The following CSMD1 variants were observed in gnomAD, a reference collection of about 807,000 sequenced individuals.
The protein encoded by CSMD1 is CUB and sushi domain-containing protein 1.
Under a neutral mutation model 417.5 loss-of-function variants are expected in CSMD1, and 213 were observed. That is an observed-to-expected ratio of 0.51 (90% CI 0.46 to 0.57). CSMD1 has a LOEUF of 0.57. Among genes scored for constraint, CSMD1 ranks in the 20% least tolerant of loss-of-function variants. The pLI is 0.00. For synonymous variants in CSMD1, 2,862 were observed against 1,736.8 expected (o/e 1.65, Z -16.11); for missense variants, 6,923 against 4,529.7 (o/e 1.53, Z -15.17).
At chr8:4,364,382 G>A (rs1242309570) in intron 3 of CSMD1, among the ~76,000 whole-genome samples, 1 of 152,036 alleles carries the variant, frequency 6.6e-6, no homozygotes, top group African/African-American at 2.4e-5. Context: ...TTCAGTTCCT[G>A]TTTACTGTTA....
intron 5 of CSMD1, among the ~76,000 whole-genome samples, chr8:3,985,271 C>G (rs1814232956): frequency 6.6e-6 from 1 of 152,162 alleles, no homozygotes; most frequent in African/African-American, 2.4e-5. Context: ...ATTTCCCACA[C>G]CATGCACAAA....
rs563067403 is a variant in CSMD1 at position 3,301,364 on chromosome 8, A to G, written c.3950+6331T>C. Reference sequence around the variant, plus strand: ...CAGATGGGGTCTAAATGAGAAATGAAGCTCACAGAAGTGTGGGAGCTAGTG... The same window carrying G: ...CAGATGGGGTCTAAATGAGAAATGAGGCTCACAGAAGTGTGGGAGCTAGTG... On this transcript the variant is annotated intron_variant, in intron 25 of 69. Coordinates refer to ENST00000635120, the MANE Select transcript of CSMD1 (RefSeq NM_033225.6). Among the ~76,000 whole-genome samples the G allele has an allele frequency of 4.7e-4, 72 of 152,200 alleles. 2 individuals are homozygous for G. In the South Asian group the frequency reaches 0.015, roughly 31 times the overall value.
At chr8:4,719,239 T>G (rs1461843577) in intron 1 of CSMD1, among the ~76,000 whole-genome samples, 2 of 152,210 alleles carry the variant, frequency 1.3e-5, no homozygotes, top group Non-Finnish European at 2.9e-5. Context: ...ATGTTTTAGA[T>G]TTTGCATTTT....
intron 3 of CSMD1, among the ~76,000 whole-genome samples, chr8:4,107,409 G>A (rs1000530913): frequency 6.6e-6 from 1 of 152,192 alleles, no homozygotes; most frequent in Non-Finnish European, 1.5e-5. Flanking sequence ...CTCCACAGCA[G>A]AAAATGTCTT....
intron 1 of CSMD1, among the ~76,000 whole-genome samples, chr8:4,880,420 T>C (rs2043809): frequency 0.98 from 148,610 of 152,128 alleles, 72,600 homozygotes; most frequent in East Asian, 1. Flanking sequence ...ATCGTAGGAC[T>C]CCTTACAGAT....
chr8:3,533,408 T>C (rs1343068357), intron 10 of CSMD1, among the ~76,000 whole-genome samples: 1 of 152,206 alleles, frequency 6.6e-6, no homozygotes, highest in African/African-American at 2.4e-5. Flanking sequence ...CCCTCCCTGA[T>C]AACAGTGGTT....
chr8:3,150,392 A>G (rs1819121443), intron 40 of CSMD1, among the ~76,000 whole-genome samples: 1 of 152,122 alleles, frequency 6.6e-6, no homozygotes, highest in Non-Finnish European at 1.5e-5. Flanking sequence ...TCCCACGTCC[A>G]GCGCCTGATT....
At chr8:3,187,198 T>C (rs1292984500) in intron 36 of CSMD1, among the ~76,000 whole-genome samples, 2 of 152,240 alleles carry the variant, frequency 1.3e-5, no homozygotes, top group Non-Finnish European at 2.9e-5. Context: ...TGAGTCCTAA[T>C]GCTATTACAG....
chr8:3,851,217 G>C (rs991071035), intron 5 of CSMD1, among the ~76,000 whole-genome samples: 6 of 152,210 alleles, frequency 3.9e-5, no homozygotes, highest in African/African-American at 1.4e-4. Context: ...CTAGAAGGTA[G>C]AATATTTGAA....
intron 6 of CSMD1, among the ~76,000 whole-genome samples, chr8:3,710,685 C>A (rs151248631): frequency 3.3e-5 from 5 of 152,274 alleles, no homozygotes; most frequent in African/African-American, 9.6e-5. Context: ...ATGTGTTAGC[C>A]TCTTTGCAGC....
At chr8:4,553,950 A>G (rs1317742370) in intron 2 of CSMD1, among the ~76,000 whole-genome samples, 2 of 152,144 alleles carry the variant, frequency 1.3e-5, no homozygotes, top group South Asian at 4.2e-4. Flanking sequence ...GAAGGAGTCC[A>G]TTTAGCCTGT....
Position 2,968,558 on chromosome 8 carries a change from A to C in CSMD1, c.8924-1812T>G, listed in dbSNP as rs150766904. Among the ~76,000 whole-genome samples the C allele has an allele frequency of 2.0e-5, 3 of 152,222 alleles. No homozygotes were observed. The East Asian group carries it at 5.8e-4, about 29-fold the overall frequency. On this transcript the variant is annotated intron_variant, in intron 57 of 69. Transcript: ENST00000635120. ...TGTCCCCTCAAATATTGTACTGTGG[A>C]AAGTAAAATTCATGATTAGTTTTTT...
At chr8:3,287,049 C>T (rs1363123962) in intron 25 of CSMD1, among the ~76,000 whole-genome samples, 1 of 152,064 alleles carries the variant, frequency 6.6e-6, no homozygotes, top group Non-Finnish European at 1.5e-5. Context: ...TATGGCTAGC[C>T]AGTTTTCCCA....
At chr8:3,504,767 C>G (rs866380232) in intron 10 of CSMD1, among the ~76,000 whole-genome samples, 29 of 152,218 alleles carry the variant, frequency 1.9e-4, no homozygotes, top group Middle Eastern at 3.4e-3. Flanking sequence ...GTGGTTTTCA[C>G]AAACTACTTA....
chr8:3,391,926 G>C (rs1300104590), intron 17 of CSMD1, among the ~76,000 whole-genome samples: 3 of 152,028 alleles, frequency 2.0e-5, no homozygotes, highest in African/African-American at 7.3e-5. Context: ...GTTTTTAAGA[G>C]GCATAAAGAG....
At chr8:3,707,841 C>G (rs1479521196) in intron 7 of CSMD1, among the ~76,000 whole-genome samples, 1 of 152,088 alleles carries the variant, frequency 6.6e-6, no homozygotes, top group Non-Finnish European at 1.5e-5. Context: ...GAGAAGGCAC[C>G]AAAATGGCAG....
At chr8:3,920,336 A>G (rs1183278958) in intron 5 of CSMD1, among the ~76,000 whole-genome samples, 1 of 150,064 alleles carries the variant, frequency 6.7e-6, no homozygotes, top group East Asian at 2.0e-4. Context: ...TACGTGCCCT[A>G]TTTTTCTAAG....
At chr8:4,505,242 T>C (rs528666790) in intron 2 of CSMD1, among the ~76,000 whole-genome samples, 1 of 152,304 alleles carries the variant, frequency 6.6e-6, no homozygotes, top group East Asian at 1.9e-4. Flanking sequence ...AGTTTTTCCT[T>C]ACTTTATGAA....
intron 3 of CSMD1, among the ~76,000 whole-genome samples, chr8:4,328,716 T>C (rs909338316): frequency 6.6e-6 from 1 of 152,218 alleles, no homozygotes; most frequent in Non-Finnish European, 1.5e-5. Flanking sequence ...AGCTATACTA[T>C]GGCTATTTCT....
Sources: allele counts gnomAD v4.1 joint callset (sites outside exome capture counted in the v4.1 genomes callset), GRCh38; gene constraint gnomAD v4.1.1; transcripts MANE v1.5; gene names NCBI Gene and HGNC (gene_info 2026-07-23, HGNC 2026-07-21).